The following BRD10 variants were observed in gnomAD, a reference collection of about 807,000 sequenced individuals.
The protein encoded by BRD10 is bromodomain containing 10, also known as uncharacterized bromodomain-containing protein 10.
At chr9:5,977,474 C>T in the BRD10 span, among the ~76,000 whole-genome samples, 1 of 152,146 alleles carries the variant, frequency 6.6e-6, no homozygotes, top group Non-Finnish European at 1.5e-5. Context: ...TGCTGAAGAT[C>T]TCTAGAGTTA....
the BRD10 span, among the ~76,000 whole-genome samples, chr9:5,946,223 A>G: frequency 9.2e-5 from 14 of 152,260 alleles, no homozygotes; most frequent in African/African-American, 1.9e-4. Flanking sequence ...ATGATCACAG[A>G]TAATTTTTAT....
the BRD10 span, chr9:5,954,199 T>C: frequency 3.1e-6 from 2 of 643,576 alleles, no homozygotes; most frequent in Non-Finnish European, 5.5e-6. Context: ...AACTAACAGA[T>C]GGCTGCTAGT....
chr9:5,921,258 C>A, the BRD10 span: 1 of 1,613,980 alleles, frequency 6.2e-7, no homozygotes, highest in Non-Finnish European at 8.5e-7. Flanking sequence ...ATTGCTTGAC[C>A]TATGTTTAGT....
chr9:5,964,280 A>C, the BRD10 span, among the ~76,000 whole-genome samples: 1 of 148,806 alleles, frequency 6.7e-6, no homozygotes, highest in South Asian at 2.2e-4. Flanking sequence ...GAAGACATTT[A>C]TGCAGCCAAA....
chr9:5,908,420 G>A, the BRD10 span, among the ~76,000 whole-genome samples: 2 of 152,046 alleles, frequency 1.3e-5, no homozygotes, highest in African/African-American at 4.8e-5. Context: ...GAGATTTTGG[G>A]AACTCCTTAA....
chr9:5,926,065 G>C, the BRD10 span, among the ~76,000 whole-genome samples: 1 of 151,766 alleles, frequency 6.6e-6, no homozygotes, highest in African/African-American at 2.4e-5. Flanking sequence ...TTACAGACAC[G>C]CGCCACCACA....
At chr9:5,909,910 AT>A in the BRD10 span, 1 of 152,216 alleles carries the variant, frequency 6.6e-6, no homozygotes, top group Non-Finnish European at 1.5e-5. Context: ...TTTATCTAAT[AT>A]TTCTCTTTCA....
chr9:5,985,216 TAA>T, the BRD10 span, among the ~76,000 whole-genome samples: 78 of 152,288 alleles, frequency 5.1e-4, no homozygotes, highest in African/African-American at 1.8e-3. Context: ...TGGAAAAAAG[TAA>T]AGTTTTTCCT....
chr9:5,924,497 GTAGAAA>G, the BRD10 span, among the ~76,000 whole-genome samples: 1 of 152,038 alleles, frequency 6.6e-6, no homozygotes, highest in Non-Finnish European at 1.5e-5. Context: ...GCCTAGGCTA[GTAGAAA>G]CTTCTTATAA....
the BRD10 span, among the ~76,000 whole-genome samples, chr9:5,879,985 T>C: frequency 6.6e-6 from 1 of 152,160 alleles, no homozygotes; most frequent in South Asian, 2.1e-4. Context: ...AGTGGTATGA[T>C]CTCAGCTCAC....
chr9:5,886,513 C>T, the BRD10 span, among the ~76,000 whole-genome samples: 14 of 152,238 alleles, frequency 9.2e-5, no homozygotes, highest in East Asian at 5.8e-4. Context: ...ATTTCAGATG[C>T]GTGCACTGGG....
At chr9:5,929,306 G>A in the BRD10 span, 1 of 491,172 alleles carries the variant, frequency 2.0e-6, no homozygotes, top group East Asian at 3.3e-5. Flanking sequence ...AAAATATCCT[G>A]TAATAAATTT....
At chr9:5,940,772 A>G in the BRD10 span, among the ~76,000 whole-genome samples, 2 of 152,200 alleles carry the variant, frequency 1.3e-5, no homozygotes, top group South Asian at 2.1e-4. Flanking sequence ...GTTGTGCTCA[A>G]TATGTATAGC....
At chr9:5,920,138 C>T in the BRD10 span, 2 of 1,613,718 alleles carry the variant, frequency 1.2e-6, no homozygotes, top group African/African-American at 1.3e-5. Context: ...TAGAGGTTGG[C>T]CACTTAAGGA....
the BRD10 span, chr9:5,919,521 A>G: frequency 1.8e-6 from 1 of 558,456 alleles, no homozygotes; most frequent in Non-Finnish European, 2.9e-6. Context: ...CCTTGTTGCA[A>G]GCTAATGAAA....
chr9:5,907,042 T>C, the BRD10 span: 2 of 1,258,562 alleles, frequency 1.6e-6, no homozygotes, highest in Non-Finnish European at 2.2e-6. Context: ...GAATGGCTGT[T>C]TTTAACTCAA....
At chr9:5,939,856 T>A in the BRD10 span, among the ~76,000 whole-genome samples, 1 of 152,180 alleles carries the variant, frequency 6.6e-6, no homozygotes, top group African/African-American at 2.4e-5. Flanking sequence ...TAAATGCCAG[T>A]GCCACTTCTT....
chr9:5,939,134 A>AT, the BRD10 span, among the ~76,000 whole-genome samples: 1 of 152,160 alleles, frequency 6.6e-6, no homozygotes, highest in African/African-American at 2.4e-5. Flanking sequence ...AGAAAATAAG[A>AT]TTAATGCACA....
chr9:5,922,733 T>C, the BRD10 span: 15 of 1,613,908 alleles, frequency 9.3e-6, no homozygotes, highest in Non-Finnish European at 1.7e-6. Flanking sequence ...CACCATAGGC[T>C]GCACCTGAAT....
Sources: allele counts gnomAD v4.1 joint callset (sites outside exome capture counted in the v4.1 genomes callset), GRCh38; gene constraint gnomAD v4.1.1; transcripts MANE v1.5; gene names NCBI Gene and HGNC (gene_info 2026-07-23, HGNC 2026-07-21).